The following PDE3A variants were observed in gnomAD, a reference collection of about 807,000 sequenced individuals.
PDE3A encodes phosphodiesterase 3A.
PDE3A carries 43 observed loss-of-function variants against 98.3 expected under a neutral mutation model. That is an observed-to-expected ratio of 0.44 (90% CI 0.34 to 0.56). The LOEUF is 0.56. Ranked by LOEUF, PDE3A falls within the 20% of genes least tolerant of loss-of-function variation. PDE3A has a pLI of 0.01. For synonymous variants in PDE3A, 663 were observed against 567.9 expected (o/e 1.17, Z -2.38); for missense variants, 1,427 against 1,440.7 (o/e 0.99, Z 0.15).
At chr12:20,374,714 C>T (rs981959211) in intron 1 of PDE3A, among the ~76,000 whole-genome samples, 4 of 151,960 alleles carry the variant, frequency 2.6e-5, no homozygotes, top group Non-Finnish European at 5.9e-5. Context: ...TGTTTATAAA[C>T]CTCAAAATTA....
intron 2 of PDE3A, among the ~76,000 whole-genome samples, chr12:20,595,783 G>T (rs949965884): frequency 7.2e-5 from 11 of 152,096 alleles, no homozygotes; most frequent in African/African-American, 2.2e-4. Flanking sequence ...CATTGCATCT[G>T]CTCTGTGTCC....
intron 7 of PDE3A, 21 bp downstream of exon 7, chr12:20,633,799 C>T: frequency 7.1e-7 from 1 of 1,417,942 alleles, no homozygotes; most frequent in Admixed American, 2.0e-5. Context: ...GTTTTGGATT[C>T]TGTTGCCCAA....
At chr12:20,669,516 C>A (rs1207244046) in intron 15 of PDE3A, among the ~76,000 whole-genome samples, 4 of 151,904 alleles carry the variant, frequency 2.6e-5, no homozygotes, top group Admixed American at 2.0e-4. Flanking sequence ...AGAAACCCTA[C>A]AAGCCAGAAG....
intron 2 of PDE3A, among the ~76,000 whole-genome samples, chr12:20,610,876 C>T (rs1338961595): frequency 1.3e-5 from 2 of 151,902 alleles, no homozygotes; most frequent in East Asian, 1.9e-4. Context: ...ACAGTCGTTA[C>T]CCTGGGCAGA....
Position 20,613,559 on chromosome 12 carries a change from C to T in PDE3A, c.1128C>T (p.Ala376=), listed in dbSNP as rs778905645. The change falls in exon 3 of 16, where the codon GCC becomes GCT. Residue 376 remains alanine, a synonymous_variant. Transcript: ENST00000359062. ...LPPNVCTSLR[A]VSNLLSTQLT... ...CAAACGTGTGCACATCCTTGAGAGC[C>T]GTGAGCAACTTGCTCAGCACACAGC... is the stretch of plus-strand genomic sequence containing the variant. 36 of 1,614,034 alleles carry T rather than the reference C, an allele frequency of 2.2e-5. No homozygotes were observed. The Middle Eastern group carries it at 9.9e-4, about 44-fold the overall frequency.
chr12:20,453,470 G>A (rs1030566827), intron 1 of PDE3A, among the ~76,000 whole-genome samples: 2 of 152,090 alleles, frequency 1.3e-5, no homozygotes, highest in African/African-American at 4.8e-5. Flanking sequence ...TTGAGCCACT[G>A]TGCCTGGCCC....
At chr12:20,447,641 C>G (rs1944979337) in intron 1 of PDE3A, among the ~76,000 whole-genome samples, 1 of 152,228 alleles carries the variant, frequency 6.6e-6, no homozygotes, top group African/African-American at 2.4e-5. Context: ...TTCTCCTATA[C>G]TTCACCCTAT....
intron 1 of PDE3A, among the ~76,000 whole-genome samples, chr12:20,475,598 C>T (rs1014860132): frequency 5.9e-5 from 9 of 151,930 alleles, no homozygotes; most frequent in African/African-American, 2.2e-4. Context: ...GACATGTTGG[C>T]ACATGCCTGT....
intron 2 of PDE3A, among the ~76,000 whole-genome samples, chr12:20,588,921 T>G (rs1037461096): frequency 2.0e-4 from 31 of 152,166 alleles, no homozygotes; most frequent in Middle Eastern, 3.4e-3. Flanking sequence ...GTTATCCTTT[T>G]TGTTTGTTTG....
chr12:20,557,532 A>G (rs1030888877), intron 2 of PDE3A, among the ~76,000 whole-genome samples: 3 of 152,200 alleles, frequency 2.0e-5, no homozygotes, highest in African/African-American at 7.2e-5. Context: ...ACTAAAAAAT[A>G]TATAAATTAC....
chr12:20,683,049 C>T lies in PDE3A; in HGVS notation c.*2778C>T, dbSNP rs1389067677. The T allele has an allele frequency of 3.9e-5, 6 of 152,190 alleles. No individual in the cohort carries two copies. The highest frequency in any genetic ancestry group is 1.4e-4 in the African/African-American group (6 of 41,440). 9.4% of individuals were successfully genotyped at this position (152,190 alleles called of 1,614,324 possible). Reference sequence around the variant, plus strand: ...ATAGTGGCCAAAGCAATTAGAACATCTTCATTCCAGAACTGTGTTCAGCAA... The same window carrying T: ...ATAGTGGCCAAAGCAATTAGAACATTTTCATTCCAGAACTGTGTTCAGCAA... On this transcript the variant is annotated 3_prime_UTR_variant, in exon 16 of 16. Coordinates refer to ENST00000359062, the MANE Select transcript of PDE3A (RefSeq NM_000921.5).
In PDE3A at chr12:20,639,725, T is replaced by C. The variant is rs116524778; in HGVS notation, c.2140-121T>C. On this transcript the variant is annotated intron_variant, in intron 9 of 15. Coordinates refer to ENST00000359062, the MANE Select transcript of PDE3A (RefSeq NM_000921.5). ...TTTAACCAACTTAAAAGGACACCCT[T>C]CAGATTTTGAAAAGGCATTTAATGT... 1,438 of 542,824 alleles carry C rather than the reference T, an allele frequency of 2.6e-3. 17 individuals carry two copies. The highest frequency in any genetic ancestry group is 0.025 in the African/African-American group (1,310 of 52,410). The allele number at this position is 542,824 out of a possible 1,614,324, so 33.6% of individuals were successfully genotyped here. A position where few individuals can be genotyped will look rare whatever the true frequency, so the allele number is the denominator to read the frequency against.
rs1319478696 is a variant in PDE3A at position 20,523,513 on chromosome 12, T to C, written c.961-33147T>C. Among the ~76,000 whole-genome samples, 3 of 152,310 alleles carry C rather than the reference T, an allele frequency of 2.0e-5. No individual in the cohort carries two copies. In the East Asian group the frequency reaches 5.8e-4, roughly 29 times the overall value. On this transcript the variant is annotated intron_variant, in intron 1 of 15. Transcript: ENST00000359062. The stretch of plus-strand genomic sequence containing the variant: ...TTGGTCTGCAGAGCCAAAAGAATAA[T>C]TGTCTTTCTTTTTAAGTTAATAGTA...
intron 1 of PDE3A, among the ~76,000 whole-genome samples, chr12:20,467,083 A>ATTACTT (rs1945351666): frequency 6.6e-6 from 1 of 152,002 alleles, no homozygotes. Context: ...TGATTGTTGA[A>ATTACTT]TTACTTATAT....
intron 1 of PDE3A, among the ~76,000 whole-genome samples, chr12:20,372,958 T>C (rs1407785476): frequency 1.3e-5 from 2 of 152,092 alleles, no homozygotes; most frequent in Admixed American, 6.6e-5. Flanking sequence ...TCAGTGACCC[T>C]CAGTTCCAAA....
intron 8 of PDE3A, among the ~76,000 whole-genome samples, chr12:20,635,514 T>A (rs1176785395): frequency 6.9e-6 from 1 of 145,210 alleles, no homozygotes; most frequent in Non-Finnish European, 1.5e-5. Context: ...GGAGGTGGAG[T>A]TTGCAGTGAG....
intron 1 of PDE3A, 140 bp from the exon 2 acceptor site, chr12:20,556,520 G>T: frequency 1.6e-6 from 1 of 631,868 alleles, no homozygotes; most frequent in South Asian, 2.0e-5. Context: ...ACTAATTTAG[G>T]TATGTTAATT....
rs1041178180 is a variant in PDE3A at position 20,687,506 on chromosome 12, T to A, written c.*7235T>A. On this transcript the variant is annotated 3_prime_UTR_variant, in exon 16 of 16. Coordinates refer to ENST00000359062, the MANE Select transcript of PDE3A (RefSeq NM_000921.5). ...TTATTATGTTTGCTTAACTGGTGTT[T>A]TTTTCACTTATGACTGTCAGTTTAT... 6.6e-6 allele frequency among the ~76,000 whole-genome samples: 1 copy of A among 152,012 alleles called. No individual in the cohort carries two copies. The highest frequency in any genetic ancestry group is 1.5e-5 in the Non-Finnish European group (1 of 67,936).
chr12:20,387,826 G>A (rs1323116261), intron 1 of PDE3A, among the ~76,000 whole-genome samples: 1 of 151,986 alleles, frequency 6.6e-6, no homozygotes, highest in Non-Finnish European at 1.5e-5. Flanking sequence ...GAAATGAAGA[G>A]TTTTTAAATC....
Sources: gnomAD v4.1 joint callset for allele counts (sites outside exome capture counted in the v4.1 genomes callset) on GRCh38, gnomAD v4.1.1 for gene constraint, MANE v1.5 for transcripts, NCBI Gene and HGNC (gene_info 2026-07-23, HGNC 2026-07-21) for gene names.